WNT9B: variants seen among roughly 807,000 people sequenced by gnomAD.
WNT9B encodes the protein protein Wnt-9b.
A neutral mutation model predicts 30.2 loss-of-function variants in WNT9B; 12 were observed. The observed-to-expected ratio is 0.40, with a 90% confidence interval of 0.26 to 0.64. The LOEUF (loss-of-function observed/expected upper bound fraction) is 0.64, where lower values mean the gene tolerates loss of function less well. Among genes scored for constraint, WNT9B ranks in the 30% least tolerant of loss-of-function variants. The pLI, the probability that WNT9B is intolerant of heterozygous loss-of-function variation, is 0.42. For synonymous variants in WNT9B, 218 were observed against 216.9 expected (o/e 1.01, Z -0.05); for missense variants, 442 against 485.2 (o/e 0.91, Z 0.84).
intron 1 of WNT9B, among the ~76,000 whole-genome samples, chr17:46,836,095 C>CGTACGTGTGTGTGTGT (rs1555692746): frequency 2.4e-5 from 3 of 126,434 alleles, no homozygotes; most frequent in African/African-American, 9.6e-5. Flanking sequence ...GAGACGCTGA[C>CGTACGTGTGTGTGTGT]GTGTGTGTGT....
chr17:46,839,956 C>CTTTCTTTCTTTCTTTCTTTCTT (rs2084684264), intron 1 of WNT9B, among the ~76,000 whole-genome samples: 4 of 147,298 alleles, frequency 2.7e-5, no homozygotes, highest in Middle Eastern at 3.5e-3. Context: ...TTCTTTCTTT[C>CTTTCTTTCTTTCTTTCTTTCTT]TTTCTTTCTT....
At chr17:46,854,973 T>C (rs556150557) in intron 1 of WNT9B, among the ~76,000 whole-genome samples, 1 of 152,196 alleles carries the variant, frequency 6.6e-6, no homozygotes, top group African/African-American at 2.4e-5. Flanking sequence ...CACTTTCTCA[T>C]ACAGCCATCT....
rs1435947246 is a variant in WNT9B, at chr17:46,876,827, G to A, written c.*109G>A. The A allele has an allele frequency of 6.3e-6, 9 of 1,437,688 alleles. No homozygotes were observed. Among genetic ancestry groups the A allele is most frequent in the South Asian group, 6.1e-5 (4 of 65,682 alleles). 89.1% of individuals were successfully genotyped at this position (1,437,688 alleles called of 1,614,324 possible). On this transcript the variant is annotated 3_prime_UTR_variant, in exon 4 of 4. Coordinates refer to ENST00000290015, the MANE Select transcript of WNT9B (RefSeq NM_003396.3). ...CTGTCATCACATGCATGCATAAACCGGCATGTGTGCCAATGCACACGAGTG... is the reference window on the plus strand; with the variant it reads ...CTGTCATCACATGCATGCATAAACCAGCATGTGTGCCAATGCACACGAGTG...
chr17:46,865,113 G>C (rs1212663746), intron 1 of WNT9B, among the ~76,000 whole-genome samples: 1 of 152,208 alleles, frequency 6.6e-6, no homozygotes. Context: ...AGGGACAAAG[G>C]CTTCCTCTCC....
At chr17:46,868,592 T>C (rs573047483) in intron 1 of WNT9B, among the ~76,000 whole-genome samples, 1 of 150,446 alleles carries the variant, frequency 6.6e-6, no homozygotes, top group African/African-American at 2.5e-5. Context: ...TGAGACTCGA[T>C]TAAAAAACAA....
chr17:46,851,775 T>A lies in WNT9B; in HGVS notation c.77+60T>A. ...GCCTGCCTGTCTCTCCCTCCTGCGC[T>A]ACAGCTGGGCCAATTTTTCCCTCCC... On this transcript the variant is annotated intron_variant, in intron 1 of 3. Coordinates refer to ENST00000290015, the MANE Select transcript of WNT9B (RefSeq NM_003396.3). This position sits in a 1 kb window ranked among gnomAD's most constrained non-coding sequence, Gnocchi z 4.3. 3.9e-5 allele frequency: 35 copies of A among 890,816 alleles called. No homozygotes were observed. Among genetic ancestry groups the A allele is most frequent in the Non-Finnish European group, 5.2e-5 (35 of 670,874 alleles). The allele number at this position is 890,816 out of a possible 1,614,324, so 55.2% of individuals were successfully genotyped here. A position where few individuals can be genotyped will look rare whatever the true frequency, so the allele number is the denominator to read the frequency against.
intron 2 of WNT9B, among the ~76,000 whole-genome samples, chr17:46,874,438 G>A (rs948312452): frequency 6.6e-6 from 1 of 152,204 alleles, no homozygotes; most frequent in African/African-American, 2.4e-5. Context: ...GCCTACGCCA[G>A]GTGTCTGAGT....
intron 2 of WNT9B, among the ~76,000 whole-genome samples, chr17:46,873,381 C>A (rs115976754): frequency 1.9e-3 from 282 of 152,240 alleles, no homozygotes; most frequent in African/African-American, 5.9e-3. Context: ...AGAGCTGAAC[C>A]AGACCCAGCT....
At position 46,877,980 on chromosome 17, in the gene WNT9B, C is replaced by T. The variant is rs1377613720; in HGVS notation, c.*1262C>T. Among the ~76,000 whole-genome samples the T allele has an allele frequency of 6.6e-6, 1 of 152,222 alleles. No individual in the cohort carries two copies. The highest frequency in any genetic ancestry group is 1.5e-5 in the Non-Finnish European group (1 of 68,032). On this transcript the variant is annotated 3_prime_UTR_variant, in exon 4 of 4. Coordinates refer to ENST00000290015, the MANE Select transcript of WNT9B (RefSeq NM_003396.3). ...CCTCAGATCCTGTGGACATTTTCAGCAGCACCTGCCAAGGCCCTCTGTGAA... is the reference window on the plus strand; with the variant it reads ...CCTCAGATCCTGTGGACATTTTCAGTAGCACCTGCCAAGGCCCTCTGTGAA...
At chr17:46,850,960 T>A (rs929732302), upstream of WNT9B, among the ~76,000 whole-genome samples, 5 of 152,248 alleles carry the variant, frequency 3.3e-5, no homozygotes, top group African/African-American at 1.2e-4. Flanking sequence ...TAACAGTCAC[T>A]CTCCCGTTTA....
chr17:46,838,145 T>C (rs1440463990), intron 1 of WNT9B, among the ~76,000 whole-genome samples: 4 of 152,146 alleles, frequency 2.6e-5, no homozygotes, highest in Non-Finnish European at 5.9e-5. Context: ...AAAAGCCTTC[T>C]CTGTGTCACT....
At chr17:46,835,744 T>A (rs894111901) in intron 1 of WNT9B, among the ~76,000 whole-genome samples, 1 of 152,136 alleles carries the variant, frequency 6.6e-6, no homozygotes, top group Non-Finnish European at 1.5e-5. Flanking sequence ...GGAGAATACA[T>A]CTCCTAATGC....
chr17:46,849,849 C>CTTTT (rs761797393), upstream of WNT9B, among the ~76,000 whole-genome samples: 703 of 145,742 alleles, frequency 4.8e-3, 9 homozygotes, highest in East Asian at 0.015. Flanking sequence ...CATTTAATAT[C>CTTTT]TTTTTTTTTT....
chr17:46,863,837 G>T (rs893810694), intron 1 of WNT9B, among the ~76,000 whole-genome samples: 3 of 152,144 alleles, frequency 2.0e-5, no homozygotes, highest in African/African-American at 7.2e-5. Context: ...CTATTCCCAA[G>T]GGAGCCGCTC....
rs138463284 is a variant in WNT9B, at chr17:46,864,440, C to T, written c.78-8077C>T. On this transcript the variant is annotated intron_variant, in intron 1 of 3. Coordinates refer to ENST00000290015, the MANE Select transcript of WNT9B (RefSeq NM_003396.3). ...GCACTGGTATTGTATCAGACTCTCA[C>T]ACTTTAGTATGAAGAGGTAGGCCAC... is the stretch of plus-strand genomic sequence containing the variant. 2.7e-3 allele frequency among the ~76,000 whole-genome samples: 407 copies of T among 152,300 alleles called. 1 individual carries two copies. Among genetic ancestry groups the T allele is most frequent in the Non-Finnish European group, 4.5e-3 (303 of 68,016 alleles).
chr17:46,836,139 G>A (rs1481817708), intron 1 of WNT9B, among the ~76,000 whole-genome samples: 1 of 73,522 alleles, frequency 1.4e-5, no homozygotes, highest in African/African-American at 7.5e-5. Flanking sequence ...TGTGTGTCTC[G>A]GTTGTGGTGG....
chr17:46,885,283 G>A (rs964927837), downstream of WNT9B: 18 of 269,468 alleles, frequency 6.7e-5, no homozygotes, highest in East Asian at 1.5e-4. Flanking sequence ...TGGGATTACC[G>A]GTGTGAGCCA....
At chr17:46,845,547 T>A (rs192570480) in intron 1 of WNT9B, among the ~76,000 whole-genome samples, 2 of 148,170 alleles carry the variant, frequency 1.3e-5, no homozygotes, top group Admixed American at 1.4e-4. Flanking sequence ...CAGAGTGCAG[T>A]GGCACAATCT....
intron 1 of WNT9B, among the ~76,000 whole-genome samples, chr17:46,857,667 C>T (rs2084962468): frequency 6.6e-6 from 1 of 152,018 alleles, no homozygotes; most frequent in South Asian, 2.1e-4. Context: ...TGGCATTTTT[C>T]AGAGTGGTTT....
Sources: gnomAD v4.1 joint callset for allele counts (sites outside exome capture counted in the v4.1 genomes callset) on GRCh38, gnomAD v4.1.1 for gene constraint, Gnocchi (gnomAD v3.1) non-coding constraint, MANE v1.5 for transcripts, NCBI Gene and HGNC (gene_info 2026-07-23, HGNC 2026-07-21) for gene names.